Variants in LDLRAD4 observed in about 807,000 individuals in gnomAD.
LDLRAD4 encodes low density lipoprotein receptor class A domain containing 4.
In LDLRAD4, 5 loss-of-function variants were observed where a neutral mutation model predicts 17.0. The ratio of observed to expected loss-of-function variants is 0.29; its 90% CI spans 0.15 to 0.62. The LOEUF is 0.62. LDLRAD4 is among the 20% of genes least tolerant of loss of function. The pLI is 0.84. For synonymous variants in LDLRAD4, 168 were observed against 171.8 expected, an observed-to-expected ratio of 0.98 and a Z score of 0.17; for missense variants, 340 against 424.7, an observed-to-expected ratio of 0.80 and a Z score of 1.75.
intron 4 of LDLRAD4, among the ~76,000 whole-genome samples, chr18:13,624,581 C>T (rs1029710689): frequency 2.6e-5 from 4 of 152,148 alleles, no homozygotes; most frequent in African/African-American, 4.8e-5. Context: ...GAGTGTCAGG[C>T]GTGGGAGCTG....
At chr18:13,635,401 T>C (rs1427332869) in intron 4 of LDLRAD4, among the ~76,000 whole-genome samples, 2 of 152,080 alleles carry the variant, frequency 1.3e-5, no homozygotes, top group East Asian at 1.9e-4. Context: ...TACCATAACA[T>C]TGGAGTATTT....
At chr18:13,336,064 C>T (rs980684558) in intron 1 of LDLRAD4, among the ~76,000 whole-genome samples, 3 of 152,084 alleles carry the variant, frequency 2.0e-5, no homozygotes, top group South Asian at 2.1e-4. Flanking sequence ...CTGGCGTGTG[C>T]GGAGATCACA....
chr18:13,322,522 A>C (rs1219990108), intron 1 of LDLRAD4, among the ~76,000 whole-genome samples: 2 of 149,772 alleles, frequency 1.3e-5, no homozygotes, highest in African/African-American at 4.9e-5. Context: ...CTGGTCTAAA[A>C]CTCCTGACCT....
At chr18:13,438,278 G>A (rs2090796191) in exon 3 of LDLRAD4, 4 of 1,613,848 alleles carry the variant, frequency 2.5e-6, no homozygotes, top group Admixed American at 1.7e-5. Flanking sequence ...GTAAATGCTT[G>A]TATCTTGGTT....
At chr18:13,460,419 C>T (rs962758810) in intron 3 of LDLRAD4, among the ~76,000 whole-genome samples, 5 of 152,126 alleles carry the variant, frequency 3.3e-5, no homozygotes, top group East Asian at 1.9e-4. Flanking sequence ...GCTGGAACTC[C>T]GGGCACAAGC....
chr18:13,366,419 A>C (rs2084058693), intron 1 of LDLRAD4, among the ~76,000 whole-genome samples: 1 of 152,186 alleles, frequency 6.6e-6, no homozygotes, highest in Non-Finnish European at 1.5e-5. Flanking sequence ...GACCACTAAC[A>C]GGATGACTCT....
At chr18:13,247,840 T>C (rs965359948) in intron 1 of LDLRAD4, among the ~76,000 whole-genome samples, 1 of 152,138 alleles carries the variant, frequency 6.6e-6, no homozygotes, top group African/African-American at 2.4e-5. Flanking sequence ...GGCCACGGGA[T>C]TTGCTGGAGA....
At chr18:13,618,295 T>TC (rs1568413857) in intron 3 of LDLRAD4, among the ~76,000 whole-genome samples, 1 of 152,322 alleles carries the variant, frequency 6.6e-6, no homozygotes, top group South Asian at 2.1e-4. Flanking sequence ...GCCTGGGCTT[T>TC]CCCCCGGGAC....
intron 3 of LDLRAD4, among the ~76,000 whole-genome samples, chr18:13,610,305 T>TTTTTTTTTTTTTTTTTTTTTTTTTTTTTC (rs1491536129): frequency 8.2e-5 from 2 of 24,328 alleles, no homozygotes; most frequent in African/African-American, 1.4e-4. Context: ...TTTTTTTTTT[T>TTTTTTTTTTTTTTTTTTTTTTTTTTTTTC]GAGACGGAGT....
At chr18:13,560,659 CAG>C (rs950277811) in intron 3 of LDLRAD4, among the ~76,000 whole-genome samples, 6 of 152,214 alleles carry the variant, frequency 3.9e-5, no homozygotes, top group African/African-American at 9.7e-5. Flanking sequence ...GACCAGAAAT[CAG>C]AGAGTTTGTC....
At chr18:13,606,868 G>A (rs947138941) in intron 3 of LDLRAD4, among the ~76,000 whole-genome samples, 4 of 152,186 alleles carry the variant, frequency 2.6e-5, no homozygotes, top group South Asian at 4.1e-4. Context: ...CAGAGCCATC[G>A]ATTCTTAACA....
chr18:13,233,851 T>A (rs2042202643), intron 1 of LDLRAD4, among the ~76,000 whole-genome samples: 1 of 152,042 alleles, frequency 6.6e-6, no homozygotes, highest in African/African-American at 2.4e-5. Context: ...CAAGCCAGCA[T>A]GTCTAAAACT....
chr18:13,289,485 C>G (rs1202211536), intron 1 of LDLRAD4, among the ~76,000 whole-genome samples: 1 of 152,174 alleles, frequency 6.6e-6, no homozygotes, highest in Non-Finnish European at 1.5e-5. Context: ...AATCACTTAA[C>G]ACGAAATCTT....
chr18:13,504,090 T>C (rs1600904830), intron 3 of LDLRAD4, among the ~76,000 whole-genome samples: 1 of 152,132 alleles, frequency 6.6e-6, no homozygotes, highest in African/African-American at 2.4e-5. Context: ...GTCACATATC[T>C]CGCCTTGAAT....
chr18:13,280,679 A>G lies in LDLRAD4; in HGVS notation c.-383+2491A>G, dbSNP rs763318307. On this transcript the variant is annotated intron_variant, in intron 1 of 5. Coordinates refer to ENST00000359446, the Ensembl canonical transcript of LDLRAD4. ...CATTCCCTGACCTCCGCATAAGACA[A>G]TGCAACCTCAGACTGAGATCTGGCT... Among the ~76,000 whole-genome samples, 8 of 152,216 alleles carry G rather than the reference A, an allele frequency of 5.3e-5. No individual in the cohort carries two copies. The East Asian group carries it at 5.8e-4, about 11-fold the overall frequency.
chr18:13,473,636 C>CAT (rs71366054), intron 3 of LDLRAD4, among the ~76,000 whole-genome samples: 887 of 28,616 alleles, frequency 0.031, 19 homozygotes, highest in African/African-American at 0.05. Flanking sequence ...GATCCCATCT[C>CAT]ATATATATAT....
chr18:13,570,056 T>G (rs1406088675), intron 3 of LDLRAD4, among the ~76,000 whole-genome samples: 2 of 152,320 alleles, frequency 1.3e-5, no homozygotes, highest in African/African-American at 4.8e-5. Context: ...TTGTATTTTA[T>G]TTTGCAGGTG....
intron 2 of LDLRAD4, among the ~76,000 whole-genome samples, chr18:13,393,165 C>T (rs547411750): frequency 3.3e-5 from 5 of 152,176 alleles, no homozygotes; most frequent in Admixed American, 6.5e-5. Flanking sequence ...GGCTGACCCA[C>T]GGATGCCCTC....
At chr18:13,632,843 A>G (rs1281304638) in intron 4 of LDLRAD4, among the ~76,000 whole-genome samples, 3 of 152,378 alleles carry the variant, frequency 2.0e-5, no homozygotes, top group Admixed American at 6.5e-5. Flanking sequence ...CCCAGACTGG[A>G]TAGCTCCTTT....
Sources: allele counts gnomAD v4.1 joint callset (sites outside exome capture counted in the v4.1 genomes callset), GRCh38; gene constraint gnomAD v4.1.1; transcripts MANE v1.5; gene names NCBI Gene and HGNC (gene_info 2026-07-23, HGNC 2026-07-21).